Variants in TMEM200A observed in about 807,000 individuals in gnomAD.
TMEM200A encodes transmembrane protein 200A, also known as two transmembrane C.
TMEM200A carries 12 observed loss-of-function variants against 24.3 expected under a neutral mutation model. The observed-to-expected ratio is 0.49, with a 90% CI of 0.32 to 0.80. The LOEUF is 0.80. Among genes scored for constraint, TMEM200A ranks in the 30% least tolerant of loss-of-function variants. The probability of loss-of-function intolerance (pLI) is 0.04; values close to 1 mark genes in which losing one functional copy is unlikely to be tolerated. For synonymous variants in TMEM200A, 224 were observed against 224.4 expected (o/e 1.00, Z 0.02); for missense variants, 545 against 614.4 (o/e 0.89, Z 1.19).
intron 2 of TMEM200A, among the ~76,000 whole-genome samples, chr6:130,429,426 G>T (rs1562570413): frequency 6.6e-6 from 1 of 152,122 alleles, no homozygotes; most frequent in Non-Finnish European, 1.5e-5. Context: ...AGAGACTGAG[G>T]CAGGAGAATC....
upstream of TMEM200A, chr6:130,365,791 G>A (rs1212674388): frequency 2.0e-6 from 2 of 985,366 alleles, no homozygotes; most frequent in Non-Finnish European, 1.2e-6. Context: ...CTTTGTGGCC[G>A]GGACGCGGAT....
intron 2 of TMEM200A, among the ~76,000 whole-genome samples, chr6:130,425,080 G>A (rs1247775188): frequency 6.6e-6 from 1 of 152,022 alleles, no homozygotes; most frequent in African/African-American, 2.4e-5. Context: ...CTTGTGCCTA[G>A]TAATACTTGC....
chr6:130,393,690 A>T (rs1403775033), intron 2 of TMEM200A, among the ~76,000 whole-genome samples: 1 of 152,166 alleles, frequency 6.6e-6, no homozygotes, highest in Admixed American at 6.5e-5. Context: ...TTTTTTCAAG[A>T]TTATTTTCCA....
rs568828064 is a variant in TMEM200A at position 130,378,414 on chromosome 6, A to G, written c.-80-6759A>G. On this transcript the variant is annotated intron_variant, in intron 1 of 2. Coordinates refer to ENST00000296978, the MANE Select transcript of TMEM200A (RefSeq NM_001258277.2). Reference sequence around the variant, plus strand: ...CAATGTTCTTAGAAATCATGTGGTCATGTGAAAGTGATATTGATAAAGATC... The same window carrying G: ...CAATGTTCTTAGAAATCATGTGGTCGTGTGAAAGTGATATTGATAAAGATC... 1.3e-5 allele frequency among the ~76,000 whole-genome samples: 2 copies of G among 152,042 alleles called. 1 individual carries two copies. Among genetic ancestry groups the G allele is most frequent in the South Asian group, 4.1e-4 (2 of 4,824 alleles).
chr6:130,431,288 A>G (rs907240282), intron 2 of TMEM200A, among the ~76,000 whole-genome samples: 2 of 152,208 alleles, frequency 1.3e-5, no homozygotes, highest in Non-Finnish European at 2.9e-5. Flanking sequence ...CATAGCCACT[A>G]TCTTGTAAGT....
intron 2 of TMEM200A, chr6:130,438,537 A>G (rs765877661): frequency 2.6e-5 from 4 of 152,218 alleles, no homozygotes; most frequent in Non-Finnish European, 5.9e-5. Flanking sequence ...ATATTTTACC[A>G]ACTCAGAAAA....
rs78589315 is a variant in TMEM200A, at chr6:130,398,864, A to C, written c.-17+13628A>C. ...CTTATTGCTATTTAGTGATTAGTTTACCATTTTCTTAGTTCCCAATTGCCT... is the reference window on the plus strand; with the variant it reads ...CTTATTGCTATTTAGTGATTAGTTTCCCATTTTCTTAGTTCCCAATTGCCT... On this transcript the variant is annotated intron_variant, in intron 2 of 2. Transcript: ENST00000296978. Among the ~76,000 whole-genome samples, 84 of 152,136 alleles carry C rather than the reference A, an allele frequency of 5.5e-4. 1 individual carries two copies. In the East Asian group the frequency reaches 0.014, roughly 26 times the overall value.
At chr6:130,387,334 G>T (rs1460914982) in intron 2 of TMEM200A, among the ~76,000 whole-genome samples, 1 of 152,226 alleles carries the variant, frequency 6.6e-6, no homozygotes, top group South Asian at 2.1e-4. Context: ...GTGCAATGGC[G>T]TGATCTCGGC....
chr6:130,381,739 A>G (rs951989503), intron 1 of TMEM200A, among the ~76,000 whole-genome samples: 1 of 152,236 alleles, frequency 6.6e-6, no homozygotes, highest in African/African-American at 2.4e-5. Context: ...GTTGAGATGC[A>G]CAAATTAAAA....
At chr6:130,366,015 C>T (rs1430112830), upstream of TMEM200A, 2 of 985,374 alleles carry the variant, frequency 2.0e-6, no homozygotes, top group African/African-American at 3.5e-5. This position sits in a 1 kb window ranked among gnomAD's most constrained non-coding sequence, Gnocchi z 4.4. Flanking sequence ...GGGCTGGGAT[C>T]CATCTGGAGC....
intron 2 of TMEM200A, among the ~76,000 whole-genome samples, chr6:130,387,272 G>GTGTTTGTT (rs1202766273): frequency 3.3e-5 from 5 of 152,050 alleles, no homozygotes; most frequent in Non-Finnish European, 7.4e-5. Flanking sequence ...GGATAGAGTT[G>GTGTTTGTT]TGTTTGTTTG....
At chr6:130,373,554 A>AT (rs71817120) in intron 1 of TMEM200A, among the ~76,000 whole-genome samples, 26,699 of 152,192 alleles carry the variant, frequency 0.18, 2,599 homozygotes, top group East Asian at 0.39. Flanking sequence ...ATGTGGACAT[A>AT]TCATAATTTA....
At chr6:130,404,429 T>C (rs1779159308) in intron 2 of TMEM200A, among the ~76,000 whole-genome samples, 1 of 152,188 alleles carries the variant, frequency 6.6e-6, no homozygotes, top group Non-Finnish European at 1.5e-5. Context: ...TAATGATTAG[T>C]GATGATGAGT....
rs910358855 is a variant in TMEM200A at position 130,366,634 on chromosome 6, G to T, written c.-81+110G>T. On this transcript the variant is annotated intron_variant, in intron 1 of 2. Coordinates refer to ENST00000296978, the MANE Select transcript of TMEM200A (RefSeq NM_001258277.2). This position sits in a 1 kb window ranked among gnomAD's most constrained non-coding sequence, Gnocchi z 4.4. ...CTGCCCTCCCCTCCCCTCCGCTACA[G>T]CCTCCAGAGTTAGGTAAACGCTGTC... The T allele has an allele frequency of 5.5e-6, 5 of 915,546 alleles. No individual in the cohort carries two copies. The highest frequency in any genetic ancestry group is 5.2e-6 in the Non-Finnish European group (4 of 766,170). The allele number at this position is 915,546 out of a possible 1,614,324, so 56.7% of individuals were successfully genotyped here.
chr6:130,366,071 T>C lies in TMEM200A; in HGVS notation c.-534T>C. 4 of 985,760 alleles carry C rather than the reference T, an allele frequency of 4.1e-6. No individual in the cohort carries two copies. Among genetic ancestry groups the C allele is most frequent in the Non-Finnish European group, 4.8e-6 (4 of 830,230 alleles). The allele number at this position is 985,760 out of a possible 1,614,324, so 61.1% of individuals were successfully genotyped here. The stretch of plus-strand genomic sequence containing the variant: ...TCCCGTTCCCGGTCCCTTTTGTCTT[T>C]CTTGGACGCGGTGGCGGCGCCGCCT... On this transcript the variant is annotated 5_prime_UTR_variant, in exon 1 of 3. Coordinates refer to ENST00000296978, the MANE Select transcript of TMEM200A (RefSeq NM_001258277.2). This position sits in a 1 kb window ranked among gnomAD's most constrained non-coding sequence, Gnocchi z 4.4.
intron 2 of TMEM200A, among the ~76,000 whole-genome samples, chr6:130,404,931 T>C (rs1453971636): frequency 3.3e-5 from 5 of 152,180 alleles, no homozygotes; most frequent in Non-Finnish European, 7.4e-5. Flanking sequence ...CCTTTCCCCA[T>C]TGTTTTTGTC....
chr6:130,416,712 A>G (rs1033592402), intron 2 of TMEM200A, among the ~76,000 whole-genome samples: 4 of 152,054 alleles, frequency 2.6e-5, no homozygotes, highest in Admixed American at 6.6e-5. Flanking sequence ...GCCCCTTTCC[A>G]TACAGCAGCA....
chr6:130,396,497 T>C (rs1490797557), intron 2 of TMEM200A, among the ~76,000 whole-genome samples: 1 of 152,016 alleles, frequency 6.6e-6, no homozygotes, highest in Admixed American at 6.6e-5. Flanking sequence ...GATAATACTT[T>C]TCTTTCTAAA....
At chr6:130,379,723 G>A (rs1778551863) in intron 1 of TMEM200A, among the ~76,000 whole-genome samples, 1 of 152,186 alleles carries the variant, frequency 6.6e-6, no homozygotes. Flanking sequence ...ATGCCTGTGA[G>A]ACATCTTAGG....
Sources: gnomAD v4.1 joint callset for allele counts (sites outside exome capture counted in the v4.1 genomes callset) on GRCh38, gnomAD v4.1.1 for gene constraint, Gnocchi (gnomAD v3.1) non-coding constraint, MANE v1.5 for transcripts, NCBI Gene and HGNC (gene_info 2026-07-23, HGNC 2026-07-21) for gene names.